The following LINC01488 variants were observed in gnomAD, a reference collection of about 807,000 sequenced individuals.
LINC01488 encodes CCND1-upstream intergenic DNA repair 1.
At chr11:69,488,498 A>G (rs1857161082) in intron 1 of LINC01488, among the ~76,000 whole-genome samples, 1 of 152,006 alleles carries the variant, frequency 6.6e-6, no homozygotes, top group Non-Finnish European at 1.5e-5. Context: ...TGGGCACCAG[A>G]CCCAGGCCTC....
chr11:69,481,871 A>T (rs1262078951), intron 1 of LINC01488: 1 of 152,004 alleles, frequency 6.6e-6, no homozygotes, highest in African/African-American at 2.4e-5. Context: ...GGATGAGTAG[A>T]TGGACGGGTG....
rs150203894 is a variant in LINC01488 at position 69,486,498 on chromosome 11, C to T, written n.123-3997C>T. Among the ~76,000 whole-genome samples, 155 of 152,338 alleles carry T rather than the reference C, an allele frequency of 1.0e-3. 1 individual carries two copies. The highest frequency in any genetic ancestry group is 1.4e-3 in the Non-Finnish European group (92 of 68,032). ...GAAGGCGCAAAAGCCGTGTCTCTGCCGCAAGGGGCCCGTGGGCCCAGGAAC... is the reference window on the plus strand; with the variant it reads ...GAAGGCGCAAAAGCCGTGTCTCTGCTGCAAGGGGCCCGTGGGCCCAGGAAC... On this transcript the variant is annotated intron_variant and non_coding_transcript_variant, in intron 1 of 3. Transcript: ENST00000644563.
chr11:69,485,451 C>T (rs917461118), intron 1 of LINC01488, among the ~76,000 whole-genome samples: 1 of 152,242 alleles, frequency 6.6e-6, no homozygotes, highest in Admixed American at 6.5e-5. Context: ...GGAAGCTCCA[C>T]CCCTAGCCCC....
intron 1 of LINC01488, among the ~76,000 whole-genome samples, chr11:69,487,219 T>G (rs1590870038): frequency 6.7e-6 from 1 of 150,360 alleles, no homozygotes; most frequent in African/African-American, 2.5e-5. Flanking sequence ...CAGAAGAGAG[T>G]AGCGGGAGGG....
At chr11:69,484,503 TC>T (rs1459485375) in intron 1 of LINC01488, among the ~76,000 whole-genome samples, 1 of 152,214 alleles carries the variant, frequency 6.6e-6, no homozygotes, top group African/African-American at 2.4e-5. Flanking sequence ...TTCAGGTGAC[TC>T]CCCTGCCTCC....
exon 4 of LINC01488, chr11:69,492,305 CCT>C (rs1329340638): frequency 6.6e-6 from 1 of 152,054 alleles, no homozygotes; most frequent in Non-Finnish European, 1.5e-5. Flanking sequence ...CAGAATCGTG[CCT>C]CCCGCAAAGA....
chr11:69,487,346 G>C (rs999621979), intron 1 of LINC01488, among the ~76,000 whole-genome samples: 2 of 152,224 alleles, frequency 1.3e-5, no homozygotes, highest in Non-Finnish European at 2.9e-5. Flanking sequence ...CAGGCCACCA[G>C]GGCCCTCGAA....
intron 1 of LINC01488, among the ~76,000 whole-genome samples, chr11:69,482,558 G>A (rs1857059249): frequency 6.9e-6 from 1 of 145,252 alleles, no homozygotes. Flanking sequence ...TGGATGAGTA[G>A]GTGGATGGAT....
chr11:69,486,652 G>A (rs1857125073), intron 1 of LINC01488, among the ~76,000 whole-genome samples: 1 of 152,172 alleles, frequency 6.6e-6, no homozygotes, highest in South Asian at 2.1e-4. Flanking sequence ...CTGAGGATGA[G>A]GAGAGAGGGG....
chr11:69,489,584 T>A (rs553393624), intron 1 of LINC01488, among the ~76,000 whole-genome samples: 4 of 152,220 alleles, frequency 2.6e-5, no homozygotes, highest in Non-Finnish European at 4.4e-5. Flanking sequence ...CCTGGGGCAG[T>A]GGGAACGTGC....
chr11:69,490,407 T>C (rs1297823781), intron 1 of LINC01488: 4 of 152,268 alleles, frequency 2.6e-5, no homozygotes, highest in Non-Finnish European at 5.9e-5. Flanking sequence ...TTCATCCAGT[T>C]CTTCTTGACT....
chr11:69,489,188 C>T (rs912320248), intron 1 of LINC01488, among the ~76,000 whole-genome samples: 46 of 152,064 alleles, frequency 3.0e-4, no homozygotes, highest in African/African-American at 1.0e-3. Context: ...GTCTCCCCAC[C>T]GCAGACCACA....
At chr11:69,489,103 C>T (rs1356267598) in intron 1 of LINC01488, among the ~76,000 whole-genome samples, 1 of 152,208 alleles carries the variant, frequency 6.6e-6, no homozygotes, top group Non-Finnish European at 1.5e-5. Context: ...CTGCACACCA[C>T]GGCTGTGGCC....
chr11:69,487,886 C>T (rs1857150630), intron 1 of LINC01488: 1 of 152,334 alleles, frequency 6.6e-6, no homozygotes, highest in Non-Finnish European at 1.5e-5. Flanking sequence ...CTCTTTGTCC[C>T]TTGTCCTCCC....
chr11:69,486,664 C>G (rs1857125475), intron 1 of LINC01488, among the ~76,000 whole-genome samples: 1 of 152,160 alleles, frequency 6.6e-6, no homozygotes, highest in Non-Finnish European at 1.5e-5. Context: ...AGAGAGGGGA[C>G]AGCCTATGGG....
intron 1 of LINC01488, among the ~76,000 whole-genome samples, chr11:69,489,525 A>C (rs1384297548): frequency 6.6e-6 from 1 of 152,188 alleles, no homozygotes; most frequent in East Asian, 1.9e-4. Context: ...CAGGCCTCCC[A>C]TGTGGTATTT....
exon 1 of LINC01488, chr11:69,481,708 A>G (rs991240003): frequency 6.6e-6 from 1 of 152,374 alleles, no homozygotes; most frequent in Non-Finnish European, 1.5e-5. Context: ...AGTGGCTCAC[A>G]GAGAGGACAC....
chr11:69,484,144 C>T (rs1338816275), intron 1 of LINC01488, among the ~76,000 whole-genome samples: 2 of 152,192 alleles, frequency 1.3e-5, no homozygotes, highest in African/African-American at 2.4e-5. Flanking sequence ...GGTGCCCCCT[C>T]ACTCCTTAGA....
intron 1 of LINC01488, among the ~76,000 whole-genome samples, chr11:69,484,387 G>A (rs1175258668): frequency 6.6e-6 from 1 of 152,094 alleles, no homozygotes. Flanking sequence ...CCCCTGCTGT[G>A]GGCCCAGAGC....
Sources: allele counts gnomAD v4.1 joint callset (sites outside exome capture counted in the v4.1 genomes callset), GRCh38; gene constraint gnomAD v4.1.1; transcripts MANE v1.5; gene names NCBI Gene and HGNC (gene_info 2026-07-23, HGNC 2026-07-21).